Variants in CPT1B observed in about 807,000 individuals in gnomAD.
CPT1B encodes the protein carnitine palmitoyltransferase 1B, also known as carnitine O-palmitoyltransferase 1, muscle isoform.
In CPT1B, 57 loss-of-function variants were observed where a neutral mutation model predicts 92.7. The ratio of observed to expected loss-of-function variants is 0.62; its 90% confidence interval spans 0.50 to 0.77. CPT1B has a LOEUF of 0.77. Among genes scored for constraint, CPT1B ranks in the 30% least tolerant of loss-of-function variants. The pLI is 0.00. For synonymous variants in CPT1B, 398 were observed against 383.5 expected, an observed-to-expected ratio of 1.04 and a Z score of -0.44; for missense variants, 983 against 1,017.4, an observed-to-expected ratio of 0.97 and a Z score of 0.46.
chr22:50,575,888 C>T (rs1719553708), intron 7 of CPT1B, 147 bp downstream of exon 7: 2 of 715,684 alleles, frequency 2.8e-6, no homozygotes, highest in African/African-American at 3.5e-5. Flanking sequence ...TCTCCTCTCT[C>T]TCTTCCCTTT....
intron 16 of CPT1B, 136 bp downstream of exon 16, chr22:50,570,755 G>C: frequency 8.2e-7 from 1 of 1,215,622 alleles, no homozygotes; most frequent in Admixed American, 2.2e-5. Flanking sequence ...GGTGTGGGCG[G>C]GAAAGCTGGC....
rs1247337562 is a variant in CPT1B, at chr22:50,572,903, C to T, written c.1324G>A (p.Ala442Thr). The part of the protein sequence containing the change: ...DEASLSLYGK[A>T]LLHGNCYNRW... The stretch of plus-strand genomic sequence containing the variant: ...TTGTAGCAGTTGCCATGTAGCAGGG[C>T]CTTGCCATAGAGGCTGAGGCTGGCC... Residue 442 changes from alanine to threonine, a missense_variant, in exon 11 of 20, where the codon GCC becomes ACC. Transcript: ENST00000312108. 5 of 1,610,050 alleles carry T rather than the reference C, an allele frequency of 3.1e-6. No individual in the cohort carries two copies. The South Asian group carries it at 3.3e-5, about 11-fold the overall frequency.
rs1383235391 is a variant in CPT1B at position 50,573,013 on chromosome 22, T to C, written c.1214A>G (p.Asn405Ser). Reference protein sequence around the residue: ...ARQAFFSSGKNKAALEAIERA... With the variant: ...ARQAFFSSGKSKAALEAIERA... ...CTCGATGGCCTCCAAGGCAGCCTTA[T>C]TCTTTCCAGAGCTAAAGAAGGCCTG... Residue 405 changes from asparagine to serine, a missense_variant, in exon 11 of 20, where the codon AAT becomes AGT. Physicochemically the swap from Asn to Ser is conservative, Grantham distance 46. Coordinates refer to ENST00000312108, the MANE Select transcript of CPT1B (RefSeq NM_152246.3). The surrounding 1 kb of genome is among the most constrained non-coding windows in gnomAD (Gnocchi z 5.0). The C allele has an allele frequency of 2.5e-6, 4 of 1,612,132 alleles. No individual in the cohort carries two copies. Among genetic ancestry groups the C allele is most frequent in the Non-Finnish European group, 3.4e-6 (4 of 1,178,788 alleles).
intron 7 of CPT1B, among the ~76,000 whole-genome samples, chr22:50,575,154 C>T (rs2070374815): frequency 6.6e-6 from 1 of 151,980 alleles, no homozygotes; most frequent in African/African-American, 2.4e-5. Flanking sequence ...GCTGGGACTA[C>T]AGACGCCCAC....
Position 50,573,513 on chromosome 22 carries a change from C to T in CPT1B, c.1166+7G>A. On this transcript the variant is annotated splice_region_variant and intron_variant, in intron 10 of 19. Transcript: ENST00000312108. This position sits in a 1 kb window ranked among gnomAD's most constrained non-coding sequence, Gnocchi z 5.0. ...GGTGGGGACAGTCCCTTCCTAGAGG[C>T]CAATACCTTCCTCCTGCAGTGAGGG... The T allele has an allele frequency of 1.2e-6, 2 of 1,603,324 alleles. No individual in the cohort carries two copies. Among genetic ancestry groups the T allele is most frequent in the Non-Finnish European group, 1.7e-6 (2 of 1,173,978 alleles).
chr22:50,572,636 A>G lies in CPT1B; in HGVS notation c.1352+239T>C, dbSNP rs192672338. On this transcript the variant is annotated intron_variant, in intron 11 of 19. Transcript: ENST00000312108. ...GCTTTTAACCCTAGCCACTAGCCCT[A>G]CCCAACCACTAATCACAATCCTAAC... 3.6e-3 allele frequency among the ~76,000 whole-genome samples: 545 copies of G among 151,424 alleles called. 2 individuals carry two copies. Among genetic ancestry groups the G allele is most frequent in the African/African-American group, 0.012 (514 of 41,186 alleles).
rs771824480 is a variant in CPT1B at position 50,569,698 on chromosome 22, A to G, written c.2143-30T>C. 5.8e-6 allele frequency: 9 copies of G among 1,561,560 alleles called. No individual in the cohort carries two copies. The South Asian group carries it at 8.9e-5, about 15-fold the overall frequency. On this transcript the variant is annotated intron_variant, in intron 17 of 19. Coordinates refer to ENST00000312108, the MANE Select transcript of CPT1B (RefSeq NM_152246.3). Reference sequence around the variant, plus strand: ...GGGCAACAAGAAGGGTGAAGAAGGCATAAATCAAACCTTGAAGATCTGAAA... The same window carrying G: ...GGGCAACAAGAAGGGTGAAGAAGGCGTAAATCAAACCTTGAAGATCTGAAA...
chr22:50,569,605 TG>T lies in CPT1B; in HGVS notation c.2205del (p.His735GlnfsTer75), dbSNP rs767113205. 1.2e-6 allele frequency: 2 copies of T among 1,613,978 alleles called. No homozygotes were observed. The highest frequency in any genetic ancestry group is 1.7e-6 in the Non-Finnish European group (2 of 1,179,998). Reference protein sequence around the residue: ...MIAGENTIFFHISSKFSSSET... With the variant: ...MIAGENTIFFXISSKFSSSET... ...TCTGAGCTTGAGAACTTGCTGGAGATGTGGAAGAAGATCGTGTTCTCGCCTG... is the reference window on the plus strand; with the variant it reads ...TCTGAGCTTGAGAACTTGCTGGAGATTGGAAGAAGATCGTGTTCTCGCCTG... On this transcript the variant is annotated frameshift_variant, in exon 18 of 20. Coordinates refer to ENST00000312108, the MANE Select transcript of CPT1B (RefSeq NM_152246.3). LOFTEE classifies it high-confidence loss of function.
chr22:50,577,257 C>T, intron 3 of CPT1B, 67 bp downstream of exon 3: 1 of 1,593,468 alleles, frequency 6.3e-7, no homozygotes. Context: ...GCTCAGGAAC[C>T]TCAGCCTTGG....
In CPT1B at chr22:50,569,429, A is replaced by C. The variant is rs1473375447; in HGVS notation, c.2236-8T>G. 1 of 1,613,976 alleles carries C rather than the reference A, an allele frequency of 6.2e-7. No individual in the cohort carries two copies. Among genetic ancestry groups the C allele is most frequent in the East Asian group, 2.2e-5 (1 of 44,878 alleles). ...TCCAAAGCGCTGGGCGTTCTGTGGG[A>C]GCCAAGAGTTCAGATGCACCTTCAG... is the stretch of plus-strand genomic sequence containing the variant. On this transcript the variant is annotated splice_polypyrimidine_tract_variant and splice_region_variant and intron_variant, in intron 18 of 19. Coordinates refer to ENST00000312108, the MANE Select transcript of CPT1B (RefSeq NM_152246.3).
Position 50,573,635 on chromosome 22 carries a change from C to T in CPT1B, c.1051G>A (p.Gly351Ser), listed in dbSNP as rs2146625817. The T allele has an allele frequency of 6.2e-7, 1 of 1,613,434 alleles. No homozygotes were observed. The highest frequency in any genetic ancestry group is 8.5e-7 in the Non-Finnish European group (1 of 1,179,984). Residue 351 changes from glycine to serine, a missense_variant, in exon 10 of 20, where the codon GGC (glycine) becomes AGC (serine). By Grantham distance (56) the Gly-to-Ser change is moderately conservative (BLOSUM62 0). Coordinates refer to ENST00000312108, the MANE Select transcript of CPT1B (RefSeq NM_152246.3). The surrounding 1 kb of genome is among the most constrained non-coding windows in gnomAD (Gnocchi z 5.0). ...TCCTGAGGCTTGAGCAGACGGGCGCCCTCATAGAGCCACAGCTTGAAGAAG... is the reference window on the plus strand; with the variant it reads ...TCCTGAGGCTTGAGCAGACGGGCGCTCTCATAGAGCCACAGCTTGAAGAAG... ...GRFFKLWLYE[G>S]ARLLKPQDLE... is the part of the protein sequence containing the mutation.
At position 50,577,912 on chromosome 22, in the gene CPT1B, C is replaced by A; in HGVS notation, c.4G>T (p.Ala2Ser). 6.2e-7 allele frequency: 1 copy of A among 1,609,498 alleles called. No homozygotes were observed. Among genetic ancestry groups the A allele is most frequent in the Non-Finnish European group, 8.5e-7 (1 of 1,177,164 alleles). M[A>S]EAHQAVAFQF... ...AAGGCCACGGCCTGGTGAGCTTCCG[C>A]CATCCTGGGGGTTGGTCGGCACCTA... The change falls in exon 2 of 20, where the codon GCG becomes TCG. Residue 2 changes from alanine (A) to serine (S), a missense_variant. Coordinates refer to ENST00000312108, the MANE Select transcript of CPT1B (RefSeq NM_152246.3).
In CPT1B at chr22:50,577,064, G is replaced by A. The variant is rs1253148416; in HGVS notation, c.282-30C>T. The A allele has an allele frequency of 4.3e-6, 7 of 1,609,546 alleles. No individual in the cohort carries two copies. In the East Asian group the frequency reaches 1.3e-4, roughly 31 times the overall value. Reference sequence around the variant, plus strand: ...TGGAGAGGGGCAAGGGCTGCAGGGGGTCCTCTTGAGGCCAGCCTCGGGTGG... The same window carrying A: ...TGGAGAGGGGCAAGGGCTGCAGGGGATCCTCTTGAGGCCAGCCTCGGGTGG... On this transcript the variant is annotated intron_variant, in intron 3 of 19. Coordinates refer to ENST00000312108, the MANE Select transcript of CPT1B (RefSeq NM_152246.3).
chr22:50,570,493 C>A, intron 16 of CPT1B, 87 bp from the exon 17 acceptor site: 4 of 1,092,176 alleles, frequency 3.7e-6, no homozygotes, highest in Non-Finnish European at 5.3e-6. Flanking sequence ...CTGAGCCAGA[C>A]ACGGTTCTGC....
At chr22:50,577,682 G>A in intron 2 of CPT1B, 93 bp downstream of exon 2, 1 of 1,540,952 alleles carries the variant, frequency 6.5e-7, no homozygotes, top group Non-Finnish European at 8.8e-7. Context: ...GGGCAGAAGT[G>A]CCAGCCAAGG....
At position 50,573,799 on chromosome 22, in the gene CPT1B, C is replaced by T. The variant is rs979596435; in HGVS notation, c.971-84G>A. 43 of 1,247,766 alleles carry T rather than the reference C, an allele frequency of 3.4e-5. No individual in the cohort carries two copies. The African/African-American group carries it at 6.2e-4, about 18-fold the overall frequency. 77.3% of individuals were successfully genotyped at this position (1,247,766 alleles called of 1,614,324 possible). On this transcript the variant is annotated intron_variant, in intron 9 of 19. Coordinates refer to ENST00000312108, the MANE Select transcript of CPT1B (RefSeq NM_152246.3). This position sits in a 1 kb window ranked among gnomAD's most constrained non-coding sequence, Gnocchi z 5.0. ...CCCACCTCCCATGCACTAGGTGACC[C>T]CTGCAGACCCTGTTTTGCTCGGCCT...
At chr22:50,575,988 G>T in intron 7 of CPT1B, 47 bp downstream of exon 7, 1 of 1,577,282 alleles carries the variant, frequency 6.3e-7, no homozygotes, top group South Asian at 1.1e-5. Context: ...CCTTGGAGCT[G>T]GGACAGAGCT....
Position 50,572,043 on chromosome 22 carries a change from G to A in CPT1B, c.1538C>T (p.Ala513Val). 1.9e-6 allele frequency: 3 copies of A among 1,614,164 alleles called. No individual in the cohort carries two copies. The highest frequency in any genetic ancestry group is 2.5e-6 in the Non-Finnish European group (3 of 1,180,012). Reference protein sequence around the residue: ...HCLGKPNPALAPPTRLQWDIP... With the variant: ...HCLGKPNPALVPPTRLQWDIP... ...GTCCCACTGCAGCCGTGTAGGAGGTGCGAGCGCAGGGTTCGGTTTGCCCAG... is the reference window on the plus strand; with the variant it reads ...GTCCCACTGCAGCCGTGTAGGAGGTACGAGCGCAGGGTTCGGTTTGCCCAG... The change falls in exon 13 of 20, where the codon GCA (alanine) becomes GTA (valine). Residue 513 changes from alanine (A) to valine (V), a missense_variant. Transcript: ENST00000312108.
chr22:50,577,995 C>G, intron 1 of CPT1B, 61 bp from the exon 2 acceptor site: 1 of 1,320,656 alleles, frequency 7.6e-7, no homozygotes, highest in Non-Finnish European at 1.0e-6. Context: ...CCAGCCGCGC[C>G]GAGACGCCCC....
Sources: gnomAD v4.1 joint callset for allele counts (sites outside exome capture counted in the v4.1 genomes callset) on GRCh38, gnomAD v4.1.1 for gene constraint, Gnocchi (gnomAD v3.1) non-coding constraint, MANE v1.5 for transcripts, NCBI Gene and HGNC (gene_info 2026-07-23, HGNC 2026-07-21) for gene names.